ARID1B: variants seen among roughly 807,000 people sequenced by gnomAD.
ARID1B encodes the protein AT-rich interaction domain 1B, also known as AT-rich interactive domain-containing protein 1B.
ARID1B carries 30 observed loss-of-function variants against 212.3 expected under a neutral mutation model. That is an observed-to-expected ratio of 0.14 (90% CI 0.11 to 0.19). The LOEUF (loss-of-function observed/expected upper bound fraction) is 0.19. Ranked by LOEUF, ARID1B falls within the 10% of genes least tolerant of loss-of-function variation. The probability of loss-of-function intolerance (pLI) is 1.00; values close to 1 mark genes in which losing one functional copy is unlikely to be tolerated. For synonymous variants in ARID1B, 1,402 were observed against 1,301.7 expected (o/e 1.08, Z -1.66); for missense variants, 2,891 against 3,204.0 (o/e 0.90, Z 2.36).
chr6:156,970,984 A>T (rs1318113419), intron 4 of ARID1B, among the ~76,000 whole-genome samples: 4 of 152,104 alleles, frequency 2.6e-5, no homozygotes, highest in Non-Finnish European at 2.9e-5. Flanking sequence ...CAGCCGGTGG[A>T]GCCCTGATGC....
intron 1 of ARID1B, among the ~76,000 whole-genome samples, chr6:156,823,504 T>C (rs1023725544): frequency 6.6e-6 from 1 of 152,230 alleles, no homozygotes; most frequent in African/African-American, 2.4e-5. Flanking sequence ...CCCTGCCCTG[T>C]TTGAGCGAGA....
chr6:156,781,989 T>G (rs1386275062), intron 1 of ARID1B, among the ~76,000 whole-genome samples: 4 of 142,866 alleles, frequency 2.8e-5, no homozygotes, highest in Admixed American at 2.1e-4. Context: ...TTTTTTTTTT[T>G]TTTTTTTTTT....
intron 4 of ARID1B, among the ~76,000 whole-genome samples, chr6:157,029,286 G>A (rs1433831628): frequency 1.3e-5 from 2 of 152,174 alleles, no homozygotes; most frequent in East Asian, 1.9e-4. Context: ...GTTATATTAG[G>A]TAGAGCATAT....
rs74992584 is a variant in ARID1B at position 157,004,728 on chromosome 6, C to A, written c.2247+69152C>A. Among the ~76,000 whole-genome samples the A allele has an allele frequency of 1.3e-3, 196 of 152,012 alleles. 1 individual carries two copies. Among genetic ancestry groups the A allele is most frequent in the African/African-American group, 4.5e-3 (185 of 41,450 alleles). On this transcript the variant is annotated intron_variant, in intron 4 of 19. Coordinates refer to ENST00000636930, the MANE Select transcript of ARID1B (RefSeq NM_001374828.1). ...CTTGAGGCTGGAGTGATTTTATTGC[C>A]GGTGTTAGGGGAGGGTGTTGGGAAA... is the stretch of plus-strand genomic sequence containing the variant.
At chr6:157,063,608 G>A (rs1318675682) in intron 4 of ARID1B, among the ~76,000 whole-genome samples, 1 of 152,184 alleles carries the variant, frequency 6.6e-6, no homozygotes, top group Non-Finnish European at 1.5e-5. Context: ...AGGCACATGT[G>A]AGTTACCAAC....
chr6:156,890,207 A>G (rs898617185), intron 2 of ARID1B, among the ~76,000 whole-genome samples: 4 of 152,244 alleles, frequency 2.6e-5, no homozygotes, highest in Non-Finnish European at 4.4e-5. Flanking sequence ...GGTCTGACCT[A>G]CTATTCACTT....
intron 4 of ARID1B, among the ~76,000 whole-genome samples, chr6:157,036,022 C>A (rs1781306682): frequency 6.6e-6 from 1 of 152,068 alleles, no homozygotes; most frequent in African/African-American, 2.4e-5. Flanking sequence ...GACAGTGAAG[C>A]CTGTTACAGT....
At chr6:156,881,909 T>C (rs1787130835) in intron 2 of ARID1B, among the ~76,000 whole-genome samples, 1 of 152,220 alleles carries the variant, frequency 6.6e-6, no homozygotes, top group Non-Finnish European at 1.5e-5. Context: ...ACAGTTGATA[T>C]TTGAGAACTA....
chr6:156,858,937 A>G (rs1281377239), intron 2 of ARID1B, among the ~76,000 whole-genome samples: 1 of 152,174 alleles, frequency 6.6e-6, no homozygotes, highest in Non-Finnish European at 1.5e-5. Flanking sequence ...TGAGCGAGTC[A>G]GTGAGTGAGT....
chr6:157,059,767 A>G lies in ARID1B; in HGVS notation c.2248-24895A>G, dbSNP rs533936519. 3.3e-5 allele frequency among the ~76,000 whole-genome samples: 5 copies of G among 152,284 alleles called. No individual in the cohort carries two copies. The South Asian group carries it at 1.0e-3, about 32-fold the overall frequency. On this transcript the variant is annotated intron_variant, in intron 4 of 19. Coordinates refer to ENST00000636930, the MANE Select transcript of ARID1B (RefSeq NM_001374828.1). ...CTGGGAAACATTTTGTGAGGGAGAG[A>G]GAGCAAGCTTTCCTGAATATGAGTG...
chr6:157,170,260 A>C (rs1791627879), intron 9 of ARID1B: 4 of 152,212 alleles, frequency 2.6e-5, no homozygotes, highest in Non-Finnish European at 4.4e-5. Flanking sequence ...GCTGTTTACC[A>C]GATGATTTGC....
At position 156,934,680 on chromosome 6, in the gene ARID1B, T is replaced by A. The variant is rs544258578; in HGVS notation, c.2137-786T>A. Among the ~76,000 whole-genome samples, 72 of 152,006 alleles carry A rather than the reference T, an allele frequency of 4.7e-4. No individual in the cohort carries two copies. In the South Asian group the frequency reaches 0.015, roughly 31 times the overall value. ...GGACCTGTTAAGATATAGTTGATAGTAAGGTTTTCGTTAGTTATTTCAACT... is the reference window on the plus strand; with the variant it reads ...GGACCTGTTAAGATATAGTTGATAGAAAGGTTTTCGTTAGTTATTTCAACT... On this transcript the variant is annotated intron_variant, in intron 3 of 19. Transcript: ENST00000636930.
rs1362815016 is a variant in ARID1B at position 156,977,988 on chromosome 6, C to G, written c.2247+42412C>G. 1.2e-4 allele frequency among the ~76,000 whole-genome samples: 18 copies of G among 152,176 alleles called. 1 individual carries two copies. On this transcript the variant is annotated intron_variant, in intron 4 of 19. Coordinates refer to ENST00000636930, the MANE Select transcript of ARID1B (RefSeq NM_001374828.1). Reference sequence around the variant, plus strand: ...CCTCTCTGGCGGGTGGGAGCAGGAACTCTTCTGTGTGAGCCCTGAGGATTC... The same window carrying G: ...CCTCTCTGGCGGGTGGGAGCAGGAAGTCTTCTGTGTGAGCCCTGAGGATTC...
At chr6:157,173,497 T>C (rs1583450106) in intron 9 of ARID1B, 2 of 152,452 alleles carry the variant, frequency 1.3e-5, no homozygotes, top group Non-Finnish European at 2.9e-5. Context: ...TCTTCCCTTA[T>C]TGTTGACTAG....
chr6:156,956,785 C>G (rs1291353803), intron 4 of ARID1B, among the ~76,000 whole-genome samples: 12 of 152,176 alleles, frequency 7.9e-5, no homozygotes, highest in Admixed American at 7.9e-4. Flanking sequence ...CAGTCCCTAT[C>G]TGTGTTGTCC....
rs200741398 is a variant in ARID1B, at chr6:157,012,868, G to GGTTTT, written c.2248-71779_2248-71775dup. The stretch of plus-strand genomic sequence containing the variant: ...GGTGAGGTTTTTAAGTATGGCATGA[G>GGTTTT]GTTTTGTTTTGTTTTGTTTCGTTTT... On this transcript the variant is annotated intron_variant, in intron 4 of 19. Coordinates refer to ENST00000636930, the MANE Select transcript of ARID1B (RefSeq NM_001374828.1). Among the ~76,000 whole-genome samples, 1,404 of 152,242 alleles carry GGTTTT rather than the reference G, an allele frequency of 9.2e-3. 21 individuals are homozygous for GGTTTT. The highest frequency in any genetic ancestry group is 0.028 in the African/African-American group (1,174 of 41,554).
rs140113977 is a variant in ARID1B at position 157,127,484 on chromosome 6, G to A, written c.2582-5544G>A. On this transcript the variant is annotated intron_variant, in intron 6 of 19. Transcript: ENST00000636930. ...AGCCTGGCCAATATGGTGAAATCCC[G>A]TCTCTATTAGAAATACAAAAATTAC... is the stretch of plus-strand genomic sequence containing the variant. 2.9e-3 allele frequency among the ~76,000 whole-genome samples: 434 copies of A among 151,760 alleles called. 9 individuals carry two copies. Among genetic ancestry groups the A allele is most frequent in the Non-Finnish European group, 1.0e-3 (70 of 67,900 alleles).
At chr6:156,970,867 C>T (rs989442457) in intron 4 of ARID1B, among the ~76,000 whole-genome samples, 3 of 152,174 alleles carry the variant, frequency 2.0e-5, no homozygotes, top group South Asian at 4.1e-4. Context: ...CTTTGCCAAC[C>T]CTGGATCTCT....
At chr6:156,983,890 CCCGATTT>C (rs1777768915) in intron 4 of ARID1B, among the ~76,000 whole-genome samples, 1 of 152,122 alleles carries the variant, frequency 6.6e-6, no homozygotes, top group Admixed American at 6.6e-5. Context: ...CTTCTAGTTA[CCCGATTT>C]CCTGCACCCC....
Sources: allele counts gnomAD v4.1 joint callset (sites outside exome capture counted in the v4.1 genomes callset), GRCh38; gene constraint gnomAD v4.1.1; transcripts MANE v1.5; gene names NCBI Gene and HGNC (gene_info 2026-07-23, HGNC 2026-07-21).